The following EBF1 variants were observed in gnomAD, a reference collection of about 807,000 sequenced individuals.
EBF1 encodes transcription factor COE1.
EBF1 carries 10 observed loss-of-function variants against 68.4 expected under a neutral mutation model. The ratio of observed to expected loss-of-function variants is 0.15; its 90% CI spans 0.09 to 0.25. The LOEUF (loss-of-function observed/expected upper bound fraction) is 0.25. Among genes scored for constraint, EBF1 ranks in the 10% least tolerant of loss-of-function variants. The pLI, the probability that EBF1 is intolerant of heterozygous loss-of-function variation, is 1.00. For missense variants in EBF1, 509 were observed against 794.4 expected, an observed-to-expected ratio of 0.64 and a Z score of 4.32; for synonymous variants, 298 against 299.8, an observed-to-expected ratio of 0.99 and a Z score of 0.06.
rs1322899269 is a variant in EBF1 at position 158,940,530 on chromosome 5, G to T, written c.555-100420C>A. 2.0e-5 allele frequency among the ~76,000 whole-genome samples: 3 copies of T among 152,278 alleles called. No individual in the cohort carries two copies. In the South Asian group the frequency reaches 6.2e-4, roughly 32 times the overall value. ...CCCAAGGCCAGACAGCTGGCAAGTG[G>T]TGAAGCTGGGATTTGAACCTAGGTT... On this transcript the variant is annotated intron_variant, in intron 6 of 15. Coordinates refer to ENST00000313708, the MANE Select transcript of EBF1 (RefSeq NM_024007.5).
intron 6 of EBF1, among the ~76,000 whole-genome samples, chr5:159,022,925 AT>A (rs1767000374): frequency 6.6e-6 from 1 of 152,350 alleles, no homozygotes; most frequent in Middle Eastern, 3.4e-3. Context: ...TTTTAAAAAA[AT>A]ATTGTAAAGT....
intron 12 of EBF1, 140 bp from the exon 13 acceptor site, chr5:158,713,287 T>C: frequency 1.4e-6 from 1 of 712,172 alleles, no homozygotes; most frequent in African/African-American, 1.8e-5. Flanking sequence ...ACAAACCTGT[T>C]ATATTAGTCT....
intron 9 of EBF1, among the ~76,000 whole-genome samples, chr5:158,785,946 T>C (rs893092409): frequency 9.2e-5 from 14 of 152,182 alleles, no homozygotes; most frequent in African/African-American, 3.4e-4. Flanking sequence ...TTGGCCTTCT[T>C]TGTTTTTGCT....
intron 6 of EBF1, among the ~76,000 whole-genome samples, chr5:158,961,956 G>A (rs896160161): frequency 6.6e-6 from 1 of 152,168 alleles, no homozygotes; most frequent in Non-Finnish European, 1.5e-5. Context: ...ATAAACCTGA[G>A]TGGTTAGTGG....
At chr5:158,941,175 A>T in intron 6 of EBF1, 1 of 455,982 alleles carries the variant, frequency 2.2e-6, no homozygotes, top group Non-Finnish European at 4.4e-6. Flanking sequence ...CACGCACCTC[A>T]GGTTTGCTGT....
intron 8 of EBF1, among the ~76,000 whole-genome samples, chr5:158,805,572 G>C (rs924190780): frequency 6.6e-6 from 1 of 151,848 alleles, no homozygotes; most frequent in African/African-American, 2.4e-5. Flanking sequence ...ATATTACCTT[G>C]GTCTTTTTCT....
intron 6 of EBF1, among the ~76,000 whole-genome samples, chr5:158,927,402 G>A (rs1030894612): frequency 4.6e-5 from 7 of 152,012 alleles, no homozygotes; most frequent in Non-Finnish European, 1.0e-4. Context: ...CTTGTGTCCC[G>A]GAGCCCCAAA....
chr5:159,097,432 G>C (rs1782849997), intron 1 of EBF1: 1 of 393,276 alleles, frequency 2.5e-6, no homozygotes, highest in Admixed American at 4.3e-5. Context: ...ACTCCTACCT[G>C]ACACGCACTG....
At chr5:159,096,521 GGCA>G in intron 2 of EBF1, 115 bp from the exon 3 acceptor site, 1 of 1,141,662 alleles carries the variant, frequency 8.8e-7, no homozygotes, top group Non-Finnish European at 1.3e-6. Context: ...TGGCGAGCCA[GGCA>G]GCCACGGTAG....
intron 6 of EBF1, among the ~76,000 whole-genome samples, chr5:158,890,566 G>A (rs1020538120): frequency 2.6e-5 from 4 of 152,174 alleles, no homozygotes; most frequent in Non-Finnish European, 5.9e-5. Flanking sequence ...GTTACAAATG[G>A]AGACAAGAAC....
chr5:158,971,256 C>T (rs968102416), intron 6 of EBF1, among the ~76,000 whole-genome samples: 24 of 152,100 alleles, frequency 1.6e-4, no homozygotes, highest in East Asian at 3.9e-4. Context: ...AGTCACAGAG[C>T]GAGCGAGCAT....
At chr5:158,889,216 A>T (rs1057514530) in intron 6 of EBF1, among the ~76,000 whole-genome samples, 3 of 152,186 alleles carry the variant, frequency 2.0e-5, no homozygotes, top group South Asian at 4.1e-4. Context: ...TTCAACAAGT[A>T]CTTGTGGAAT....
chr5:159,005,212 C>T (rs995518480), intron 6 of EBF1, among the ~76,000 whole-genome samples: 4 of 152,206 alleles, frequency 2.6e-5, no homozygotes, highest in Non-Finnish European at 4.4e-5. Context: ...ATTAATAACA[C>T]TACTCACTTT....
chr5:158,850,848 A>C (rs927646207), intron 6 of EBF1, among the ~76,000 whole-genome samples: 12 of 152,042 alleles, frequency 7.9e-5, no homozygotes, highest in African/African-American at 2.7e-4. Flanking sequence ...CTCCACTAAA[A>C]ATTTAAAAAT....
intron 4 of EBF1, among the ~76,000 whole-genome samples, chr5:159,091,418 G>A (rs1438927160): frequency 6.6e-6 from 1 of 152,134 alleles, no homozygotes; most frequent in Non-Finnish European, 1.5e-5. Context: ...TATGTGCAAG[G>A]AAATTTAAAT....
intron 6 of EBF1, among the ~76,000 whole-genome samples, chr5:158,900,743 G>A (rs1256809101): frequency 1.3e-5 from 2 of 152,190 alleles, no homozygotes; most frequent in Non-Finnish European, 2.9e-5. Flanking sequence ...GTTACACTAG[G>A]TACTTTACAA....
intron 6 of EBF1, among the ~76,000 whole-genome samples, chr5:159,006,797 C>T (rs1763663549): frequency 6.6e-6 from 1 of 151,938 alleles, no homozygotes; most frequent in Admixed American, 6.6e-5. Flanking sequence ...AAGTTTGGTC[C>T]ATAAATAAAG....
intron 11 of EBF1, among the ~76,000 whole-genome samples, chr5:158,718,318 T>C (rs1761194009): frequency 1.3e-5 from 2 of 152,184 alleles, no homozygotes; most frequent in African/African-American, 4.8e-5. Flanking sequence ...CCCTATGTAT[T>C]TGAAGAACTG....
intron 15 of EBF1, among the ~76,000 whole-genome samples, chr5:158,705,216 G>A (rs1261805300): frequency 6.6e-6 from 1 of 152,100 alleles, no homozygotes; most frequent in African/African-American, 2.4e-5. Flanking sequence ...CCTGACCTCA[G>A]GTGATCCACC....
Sources: allele counts gnomAD v4.1 joint callset (sites outside exome capture counted in the v4.1 genomes callset), GRCh38; gene constraint gnomAD v4.1.1; transcripts MANE v1.5; gene names NCBI Gene and HGNC (gene_info 2026-07-23, HGNC 2026-07-21).